The following ST3GAL3 variants were observed in gnomAD, a reference collection of about 807,000 sequenced individuals.
ST3GAL3 encodes ST3 beta-galactoside alpha-2,3-sialyltransferase 3, also known as CMP-N-acetylneuraminate-beta-1,4-galactoside alpha-2,3-sialyltransferase.
A neutral mutation model predicts 50.1 loss-of-function variants in ST3GAL3; 21 were observed. That is an observed-to-expected ratio of 0.42 (90% CI 0.30 to 0.60). The LOEUF is 0.60. ST3GAL3 is among the 20% of genes least tolerant of loss of function. The pLI is 0.19. For synonymous variants in ST3GAL3, 183 were observed against 190.0 expected (o/e 0.96, Z 0.30); for missense variants, 353 against 489.4 (o/e 0.72, Z 2.63).
At chr1:43,852,614 T>C (rs3011223) in intron 5 of ST3GAL3, among the ~76,000 whole-genome samples, 85,075 of 152,132 alleles carry the variant, frequency 0.56, 27,709 homozygotes, top group Non-Finnish European at 0.74. Flanking sequence ...CCTCCAGAGA[T>C]TGAGAGTGTA....
intron 4 of ST3GAL3, among the ~76,000 whole-genome samples, chr1:43,822,382 C>A (rs1484140224): frequency 6.6e-6 from 1 of 152,186 alleles, no homozygotes; most frequent in Non-Finnish European, 1.5e-5. Context: ...GGGAAAGCTC[C>A]TGTCTGCTGC....
intron 5 of ST3GAL3, among the ~76,000 whole-genome samples, chr1:43,869,338 G>T (rs1258673481): frequency 1.3e-5 from 2 of 152,168 alleles, no homozygotes; most frequent in Admixed American, 1.3e-4. Flanking sequence ...GTTGTTCAGA[G>T]ATTTGAAGCT....
chr1:43,881,429 T>G (rs2154256159), intron 5 of ST3GAL3, among the ~76,000 whole-genome samples: 1 of 152,392 alleles, frequency 6.6e-6, no homozygotes, highest in Non-Finnish European at 1.5e-5. Flanking sequence ...CTTTGGGCTT[T>G]GGGTTATGTG....
intron 5 of ST3GAL3, among the ~76,000 whole-genome samples, chr1:43,845,246 G>C (rs1041921652): frequency 6.6e-6 from 1 of 152,086 alleles, no homozygotes; most frequent in African/African-American, 2.4e-5. Flanking sequence ...GCTTCCCAAA[G>C]TGCTGGAATT....
intron 1 of ST3GAL3, among the ~76,000 whole-genome samples, chr1:43,711,763 C>T (rs1334937677): frequency 6.6e-6 from 1 of 152,150 alleles, no homozygotes. Flanking sequence ...ACAAAACTTA[C>T]TATGTTACAG....
Position 43,917,520 on chromosome 1 carries a change from A to G in ST3GAL3, c.745-2884A>G, listed in dbSNP as rs1239771624. On this transcript the variant is annotated intron_variant, in intron 9 of 11. Coordinates refer to ENST00000347631, the MANE Select transcript of ST3GAL3 (RefSeq NM_006279.5). ...TATAATATATTATATAATATAATATATATTATATTATATAATATATTATGT... is the reference window on the plus strand; with the variant it reads ...TATAATATATTATATAATATAATATGTATTATATTATATAATATATTATGT... 9.7e-5 allele frequency among the ~76,000 whole-genome samples: 7 copies of G among 72,214 alleles called. No individual in the cohort carries two copies. In the East Asian group the frequency reaches 1.6e-3, roughly 17 times the overall value. The allele number at this position is 72,214 out of a possible 152,430, so 47.4% of individuals were successfully genotyped here.
chr1:43,771,730 T>TTGTGTGTGTGTG (rs143955404), intron 2 of ST3GAL3, among the ~76,000 whole-genome samples: 20 of 145,122 alleles, frequency 1.4e-4, no homozygotes, highest in African/African-American at 5.2e-4. Flanking sequence ...TTTAATAAAG[T>TTGTGTGTGTGTG]TGTGTGTGTG....
Position 43,869,595 on chromosome 1 carries a change from T to G in ST3GAL3, c.303-24788T>G, listed in dbSNP as rs1196534509. Among the ~76,000 whole-genome samples, 4 of 145,560 alleles carry G rather than the reference T, an allele frequency of 2.7e-5. No homozygotes were observed. In the South Asian group the frequency reaches 8.9e-4, roughly 33 times the overall value. On this transcript the variant is annotated intron_variant, in intron 5 of 11. Coordinates refer to ENST00000347631, the MANE Select transcript of ST3GAL3 (RefSeq NM_006279.5). ...ACCCAAAAGATGGTATTTTCTTCAA[T>G]GGTCATGTCCCACTGACCATAAGCC...
At chr1:43,710,768 C>T (rs771812366) in intron 1 of ST3GAL3, among the ~76,000 whole-genome samples, 7 of 152,186 alleles carry the variant, frequency 4.6e-5, no homozygotes, top group Middle Eastern at 3.2e-3. Flanking sequence ...CCATTTGATA[C>T]GGAACTTCCT....
intron 2 of ST3GAL3, among the ~76,000 whole-genome samples, chr1:43,774,932 G>T (rs1696619437): frequency 6.6e-6 from 1 of 152,106 alleles, no homozygotes; most frequent in Non-Finnish European, 1.5e-5. Context: ...TACATCCGCG[G>T]TAAGTAAAAG....
At chr1:43,852,891 CACTT>C (rs537640919) in intron 5 of ST3GAL3, among the ~76,000 whole-genome samples, 81 of 152,246 alleles carry the variant, frequency 5.3e-4, no homozygotes, top group African/African-American at 1.8e-3. Context: ...TAATGTTAGA[CACTT>C]AATTAAGTGA....
chr1:43,750,987 A>G (rs1048360959), intron 2 of ST3GAL3, among the ~76,000 whole-genome samples: 1 of 152,146 alleles, frequency 6.6e-6, no homozygotes, highest in Non-Finnish European at 1.5e-5. Context: ...TATTTTTGGT[A>G]TATATGACAG....
chr1:43,918,119 C>CTTT lies in ST3GAL3; in HGVS notation c.745-2272_745-2270dup, dbSNP rs573834844. On this transcript the variant is annotated intron_variant, in intron 9 of 11. Transcript: ENST00000347631. ...TAGACATCTAAATTTTTTTCTTTCT[C>CTTT]TTTTTTTTTTTTTTTAAGAGAGGGT... Among the ~76,000 whole-genome samples the CTTT allele has an allele frequency of 3.7e-5, 5 of 133,904 alleles. 1 individual carries two copies. Among genetic ancestry groups the CTTT allele is most frequent in the Non-Finnish European group, 7.7e-5 (5 of 65,160 alleles). 87.8% of individuals were successfully genotyped at this position (133,904 alleles called of 152,430 possible).
chr1:43,901,515 A>T (rs1198746221), intron 9 of ST3GAL3, among the ~76,000 whole-genome samples: 1 of 152,214 alleles, frequency 6.6e-6, no homozygotes, highest in Non-Finnish European at 1.5e-5. Flanking sequence ...CTTAAAATTC[A>T]TCCAAGGGAG....
intron 5 of ST3GAL3, among the ~76,000 whole-genome samples, chr1:43,868,840 C>T (rs1317815256): frequency 2.0e-5 from 3 of 152,144 alleles, no homozygotes; most frequent in African/African-American, 7.2e-5. Flanking sequence ...TTGGAAGAGA[C>T]ACCCGAGATG....
At chr1:43,820,372 C>T (rs1273877770) in intron 4 of ST3GAL3, among the ~76,000 whole-genome samples, 1 of 152,136 alleles carries the variant, frequency 6.6e-6, no homozygotes, top group Non-Finnish European at 1.5e-5. Flanking sequence ...CTAGGACATA[C>T]CCTTCTCATC....
At chr1:43,732,344 A>G (rs1030039531) in intron 1 of ST3GAL3, among the ~76,000 whole-genome samples, 2 of 152,120 alleles carry the variant, frequency 1.3e-5, no homozygotes, top group Non-Finnish European at 2.9e-5. Context: ...ACTATGTTTT[A>G]TCCCCCACTG....
At chr1:43,874,972 C>T (rs915160110) in intron 5 of ST3GAL3, among the ~76,000 whole-genome samples, 3 of 152,136 alleles carry the variant, frequency 2.0e-5, no homozygotes, top group Non-Finnish European at 2.9e-5. Context: ...CAGCCAGCAA[C>T]CAGCATGGTT....
At chr1:43,884,889 A>G (rs896950521) in intron 5 of ST3GAL3, among the ~76,000 whole-genome samples, 1 of 152,216 alleles carries the variant, frequency 6.6e-6, no homozygotes, top group African/African-American at 2.4e-5. Flanking sequence ...TTGGGTTGGT[A>G]GGAACTAGGA....
Sources: gnomAD v4.1 joint callset for allele counts (sites outside exome capture counted in the v4.1 genomes callset) on GRCh38, gnomAD v4.1.1 for gene constraint, MANE v1.5 for transcripts, NCBI Gene and HGNC (gene_info 2026-07-23, HGNC 2026-07-21) for gene names.